Variants in SLCO3A1 observed in about 807,000 individuals in gnomAD.
SLCO3A1 encodes solute carrier organic anion transporter family member 3A1, also known as PGE1 transporter.
Under a neutral mutation model 63.1 loss-of-function variants are expected in SLCO3A1, and 27 were observed. The observed-to-expected ratio is 0.43, with a 90% confidence interval of 0.32 to 0.59. SLCO3A1 has a LOEUF of 0.59. SLCO3A1 is among the 20% of genes least tolerant of loss of function. SLCO3A1 has a pLI of 0.09. For missense variants in SLCO3A1, 773 were observed against 945.8 expected (o/e 0.82, Z 2.40); for synonymous variants, 473 against 409.9 (o/e 1.15, Z -1.86).
chr15:92,076,327 C>T (rs990104741), intron 2 of SLCO3A1, among the ~76,000 whole-genome samples: 1 of 152,028 alleles, frequency 6.6e-6, no homozygotes, highest in African/African-American at 2.4e-5. Context: ...CCAGTCAGAA[C>T]CTCAGGACAC....
chr15:92,155,972 T>C (rs1167563282), intron 9 of SLCO3A1, among the ~76,000 whole-genome samples: 2 of 152,168 alleles, frequency 1.3e-5, no homozygotes, highest in Non-Finnish European at 2.9e-5. Context: ...GCCAAAAGCA[T>C]AGGGAAGGCC....
At chr15:92,116,195 C>T (rs1238780681) in intron 4 of SLCO3A1, among the ~76,000 whole-genome samples, 1 of 152,166 alleles carries the variant, frequency 6.6e-6, no homozygotes, top group Non-Finnish European at 1.5e-5. Context: ...GATAGGTAAG[C>T]ATTTAGAACG....
chr15:92,154,119 G>T (rs376859628), intron 9 of SLCO3A1, among the ~76,000 whole-genome samples: 12 of 152,348 alleles, frequency 7.9e-5, no homozygotes, highest in African/African-American at 2.6e-4. Flanking sequence ...GTAATGAAGT[G>T]AATGACAGAG....
At chr15:92,031,193 AC>A (rs2046644253) in intron 2 of SLCO3A1, among the ~76,000 whole-genome samples, 1 of 152,200 alleles carries the variant, frequency 6.6e-6, no homozygotes, top group Non-Finnish European at 1.5e-5. Context: ...AAGACAAAAG[AC>A]ATCAATAGAG....
chr15:92,165,965 G>A, downstream of SLCO3A1: 1 of 900,560 alleles, frequency 1.1e-6, no homozygotes, highest in Non-Finnish European at 1.3e-6. Context: ...CATGCCCAGG[G>A]TGGATGAAAA....
At chr15:91,867,330 C>T (rs1288641487) in intron 1 of SLCO3A1, among the ~76,000 whole-genome samples, 1 of 152,160 alleles carries the variant, frequency 6.6e-6, no homozygotes. Flanking sequence ...ATGCAGAATG[C>T]TTCTTGTACT....
rs1415077452 is a variant in SLCO3A1, at chr15:91,862,799, C to G, written c.180+8711C>G. 1.3e-5 allele frequency among the ~76,000 whole-genome samples: 2 copies of G among 152,154 alleles called. No individual in the cohort carries two copies. The highest frequency in any genetic ancestry group is 2.9e-5 in the Non-Finnish European group (2 of 68,018). On this transcript the variant is annotated intron_variant, in intron 1 of 9. Transcript: ENST00000318445. The surrounding 1 kb of genome is among the most constrained non-coding windows in gnomAD (Gnocchi z 4.0). Reference sequence around the variant, plus strand: ...ATTTTTACCGCCATTTCTGCACTTGCAAGGTTGATGTAGGGAGAAGTGTCA... The same window carrying G: ...ATTTTTACCGCCATTTCTGCACTTGGAAGGTTGATGTAGGGAGAAGTGTCA...
rs147105195 is a variant in SLCO3A1 at position 91,915,988 on chromosome 15, C to T, written c.181-5C>T. The T allele has an allele frequency of 2.3e-3, 3,747 of 1,609,424 alleles. 3 individuals are homozygous for T. The highest frequency in any genetic ancestry group is 3.0e-3 in the Non-Finnish European group (3,477 of 1,178,016). ...GGCTCTGACCTTTCTTCTTGCCCCCCTCAGGTGAGCGTCCTGACCACCCTG... is the reference window on the plus strand; with the variant it reads ...GGCTCTGACCTTTCTTCTTGCCCCCTTCAGGTGAGCGTCCTGACCACCCTG... On this transcript the variant is annotated splice_polypyrimidine_tract_variant and splice_region_variant and intron_variant, in intron 1 of 9. Transcript: ENST00000318445.
chr15:92,104,154 T>C (rs1006028805), intron 3 of SLCO3A1, 125 bp from the exon 4 acceptor site: 16 of 1,089,480 alleles, frequency 1.5e-5, no homozygotes, highest in Non-Finnish European at 2.1e-5. Flanking sequence ...TGGCAGCCAG[T>C]GTTCCCGACC....
intron 7 of SLCO3A1, among the ~76,000 whole-genome samples, chr15:92,134,047 C>A (rs1012887834): frequency 5.3e-5 from 8 of 152,214 alleles, no homozygotes; most frequent in African/African-American, 1.9e-4. Flanking sequence ...AGATAGCTAT[C>A]ATGGGACCTG....
chr15:92,094,802 A>G, intron 2 of SLCO3A1, 79 bp from the exon 3 acceptor site: 1 of 879,124 alleles, frequency 1.1e-6, no homozygotes, highest in Non-Finnish European at 1.9e-6. Flanking sequence ...AATGTAAAAT[A>G]ATCTCCTTGA....
intron 1 of SLCO3A1, among the ~76,000 whole-genome samples, chr15:91,881,538 C>G (rs1326905123): frequency 6.7e-6 from 1 of 149,704 alleles, no homozygotes; most frequent in African/African-American, 2.5e-5. Flanking sequence ...GCCCCCTTCC[C>G]TTGTCTTCTG....
chr15:91,901,615 G>A (rs747651601), intron 1 of SLCO3A1, among the ~76,000 whole-genome samples: 2 of 152,112 alleles, frequency 1.3e-5, no homozygotes, highest in African/African-American at 2.4e-5. Context: ...AAGCTTTGCC[G>A]GATGTAGAAT....
chr15:92,170,680 T>G (rs2048516430), downstream of SLCO3A1, among the ~76,000 whole-genome samples: 5 of 152,312 alleles, frequency 3.3e-5, no homozygotes, highest in South Asian at 8.3e-4. Flanking sequence ...CATAGAGAAG[T>G]GAGCCAGGAG....
At chr15:92,038,638 GGA>G (rs2046756948) in intron 2 of SLCO3A1, among the ~76,000 whole-genome samples, 1 of 152,228 alleles carries the variant, frequency 6.6e-6, no homozygotes, top group South Asian at 2.1e-4. Context: ...CCATCCTCCT[GGA>G]TAGGAAGAAT....
intron 2 of SLCO3A1, among the ~76,000 whole-genome samples, chr15:91,991,347 C>T (rs191169963): frequency 8.0e-4 from 122 of 151,908 alleles, no homozygotes; most frequent in South Asian, 6.2e-4. Context: ...GGCAACAGAA[C>T]GAAACCATGT....
intron 1 of SLCO3A1, among the ~76,000 whole-genome samples, chr15:91,891,690 A>T (rs1001372421): frequency 6.6e-6 from 1 of 152,140 alleles, no homozygotes; most frequent in Non-Finnish European, 1.5e-5. Flanking sequence ...TATCTTTTCT[A>T]CTGTACAGCA....
rs1434559927 is a variant in SLCO3A1, at chr15:91,916,148, C to T, written c.336C>T (p.Gly112=). The change falls in exon 2 of 10, where the codon GGC becomes GGT. Residue 112 remains glycine (G), a synonymous_variant. Transcript: ENST00000318445. The surrounding 1 kb of genome is among the most constrained non-coding windows in gnomAD (Gnocchi z 6.2). ...RGHRPRLIGC[G]GIVMALGALL... is the part of the protein sequence containing the mutation. ...ACCGGCCGCGCCTGATCGGCTGCGG[C>T]GGCATCGTCATGGCGCTGGGCGCGC... 1.9e-6 allele frequency: 3 copies of T among 1,608,016 alleles called. No homozygotes were observed. The highest frequency in any genetic ancestry group is 2.7e-5 in the African/African-American group (2 of 74,852).
intron 2 of SLCO3A1, among the ~76,000 whole-genome samples, chr15:91,925,972 T>C (rs1017183564): frequency 2.6e-5 from 4 of 152,210 alleles, no homozygotes; most frequent in Non-Finnish European, 5.9e-5. Flanking sequence ...TCATAGGAGT[T>C]GGTCTGGATT....
Sources: gnomAD v4.1 joint callset for allele counts (sites outside exome capture counted in the v4.1 genomes callset) on GRCh38, gnomAD v4.1.1 for gene constraint, Gnocchi (gnomAD v3.1) non-coding constraint, MANE v1.5 for transcripts, NCBI Gene and HGNC (gene_info 2026-07-23, HGNC 2026-07-21) for gene names.